The following SCLT1 variants were observed in gnomAD, a reference collection of about 807,000 sequenced individuals.
SCLT1 encodes the protein sodium channel-associated protein 1.
SCLT1 carries 78 observed loss-of-function variants against 112.8 expected under a neutral mutation model. That is an observed-to-expected ratio of 0.69 (90% CI 0.58 to 0.83). SCLT1 has a LOEUF of 0.83. SCLT1 is among the 40% of genes least tolerant of loss of function. The probability of loss-of-function intolerance (pLI) is 0.00; values close to 1 mark genes in which losing one functional copy is unlikely to be tolerated. For synonymous variants in SCLT1, 257 were observed against 254.7 expected (o/e 1.01, Z -0.09); for missense variants, 747 against 770.4 (o/e 0.97, Z 0.36).
intron 5 of SCLT1, among the ~76,000 whole-genome samples, chr4:129,020,828 T>C (rs775095210): frequency 2.0e-5 from 3 of 152,230 alleles, no homozygotes; most frequent in Non-Finnish European, 4.4e-5. Flanking sequence ...TCAATATTTA[T>C]TGAGCAGTTT....
intron 14 of SCLT1, 151 bp from the exon 15 acceptor site, chr4:128,948,721 T>C: frequency 1.7e-6 from 1 of 603,046 alleles, no homozygotes; most frequent in African/African-American, 1.9e-5. Context: ...AACTCAATAT[T>C]TGAAGAGCAA....
intron 18 of SCLT1, among the ~76,000 whole-genome samples, chr4:128,906,620 A>G (rs1734716604): frequency 2.0e-5 from 3 of 152,244 alleles, no homozygotes; most frequent in Non-Finnish European, 4.4e-5. Context: ...TTTTAAAGTT[A>G]TTTGAAGAAT....
chr4:129,026,911 T>C (rs1406182537), intron 5 of SCLT1, among the ~76,000 whole-genome samples: 1 of 152,148 alleles, frequency 6.6e-6, no homozygotes, highest in Non-Finnish European at 1.5e-5. Flanking sequence ...CATCAGAGAA[T>C]ACTACAAACA....
chr4:128,971,275 A>G (rs1191156778), intron 9 of SCLT1: 1 of 152,200 alleles, frequency 6.6e-6, no homozygotes, highest in African/African-American at 2.4e-5. Flanking sequence ...ATGTATCTAA[A>G]TGTAAATCAT....
At chr4:129,044,962 C>G (rs1229333075) in intron 2 of SCLT1, among the ~76,000 whole-genome samples, 1 of 151,552 alleles carries the variant, frequency 6.6e-6, no homozygotes, top group Admixed American at 6.6e-5. Flanking sequence ...ATAACAAACC[C>G]AGAAATAGAT....
chr4:128,878,151 A>G (rs1228492369), intron 3 of SCLT1, among the ~76,000 whole-genome samples: 3 of 152,216 alleles, frequency 2.0e-5, no homozygotes, highest in African/African-American at 7.2e-5. Flanking sequence ...TTTTTGTGAT[A>G]TGAAGTATAA....
chr4:128,990,082 C>A (rs1742429748), intron 9 of SCLT1, among the ~76,000 whole-genome samples: 1 of 151,856 alleles, frequency 6.6e-6, no homozygotes, highest in Admixed American at 6.6e-5. Context: ...GAAAGGAATA[C>A]TTCCAAACTT....
At chr4:128,969,117 T>C (rs1006026578) in intron 10 of SCLT1, among the ~76,000 whole-genome samples, 1 of 152,192 alleles carries the variant, frequency 6.6e-6, no homozygotes, top group African/African-American at 2.4e-5. Context: ...TAAATTTCTC[T>C]TAGGTCTCTG....
intron 9 of SCLT1, among the ~76,000 whole-genome samples, chr4:128,987,004 A>T (rs1391084451): frequency 6.6e-6 from 1 of 152,152 alleles, no homozygotes; most frequent in Non-Finnish European, 1.5e-5. Context: ...TTACCCAGGG[A>T]ATTATCCCTC....
chr4:129,051,813 AG>A (rs1391152780), intron 2 of SCLT1, among the ~76,000 whole-genome samples: 1 of 152,124 alleles, frequency 6.6e-6, no homozygotes, highest in East Asian at 1.9e-4. Context: ...CGGTTTTCAA[AG>A]GGAATGCTTC....
chr4:128,911,756 C>T (rs775290578), intron 18 of SCLT1, among the ~76,000 whole-genome samples: 30 of 152,146 alleles, frequency 2.0e-4, no homozygotes, highest in Non-Finnish European at 3.5e-4. Flanking sequence ...CTACGTATAT[C>T]ATGACTATAC....
At chr4:128,979,970 T>C (rs1741504764) in intron 9 of SCLT1, among the ~76,000 whole-genome samples, 1 of 152,232 alleles carries the variant, frequency 6.6e-6, no homozygotes, top group African/African-American at 2.4e-5. Context: ...TAAACATTAT[T>C]GAATAAAGGT....
chr4:129,060,501 T>G (rs1749863909), intron 2 of SCLT1, among the ~76,000 whole-genome samples: 1 of 152,118 alleles, frequency 6.6e-6, no homozygotes, highest in African/African-American at 2.4e-5. Flanking sequence ...TCACCTGCAG[T>G]TGGGCTTTAG....
At chr4:128,988,301 TA>T (rs541122949) in intron 9 of SCLT1, among the ~76,000 whole-genome samples, 46 of 152,028 alleles carry the variant, frequency 3.0e-4, no homozygotes, top group African/African-American at 1.0e-3. Context: ...ATAGACAATA[TA>T]AAATATATGT....
intron 14 of SCLT1, among the ~76,000 whole-genome samples, chr4:128,949,146 A>G (rs902695274): frequency 2.0e-5 from 3 of 152,244 alleles, no homozygotes; most frequent in Admixed American, 1.3e-4. Context: ...CAAAAAAATC[A>G]TAATTATTAG....
downstream of SCLT1, among the ~76,000 whole-genome samples, chr4:128,879,701 A>G (rs568411471): frequency 2.0e-5 from 3 of 152,344 alleles, no homozygotes; most frequent in Non-Finnish European, 2.9e-5. Context: ...CATTATTAAT[A>G]CACATAAGCA....
At chr4:129,048,656 G>A (rs1417174763) in intron 2 of SCLT1, among the ~76,000 whole-genome samples, 2 of 152,154 alleles carry the variant, frequency 1.3e-5, no homozygotes, top group Admixed American at 1.3e-4. Context: ...AAGAGCTTCT[G>A]CATAGCAAAA....
intron 18 of SCLT1, among the ~76,000 whole-genome samples, chr4:128,922,496 T>C (rs1178691105): frequency 2.6e-5 from 4 of 152,144 alleles, no homozygotes; most frequent in Admixed American, 6.5e-5. Context: ...TTATGTCCTT[T>C]GCAGCAACAC....
intron 18 of SCLT1, among the ~76,000 whole-genome samples, chr4:128,931,664 G>C (rs1241591584): frequency 3.3e-5 from 5 of 152,028 alleles, no homozygotes; most frequent in African/African-American, 1.2e-4. Context: ...GGGTTTCACT[G>C]TGTTAGTCAG....
Sources: allele counts gnomAD v4.1 joint callset (sites outside exome capture counted in the v4.1 genomes callset), GRCh38; gene constraint gnomAD v4.1.1; transcripts MANE v1.5; gene names NCBI Gene and HGNC (gene_info 2026-07-23, HGNC 2026-07-21).